LYST: variants seen among roughly 807,000 people sequenced by gnomAD.
LYST encodes the protein lysosomal-trafficking regulator.
LYST carries 192 observed loss-of-function variants against 413.6 expected under a neutral mutation model. The ratio of observed to expected loss-of-function variants is 0.46; its 90% CI spans 0.41 to 0.52. LYST has a LOEUF of 0.52. Among genes scored for constraint, LYST ranks in the 20% least tolerant of loss-of-function variants. The pLI is 0.00. For missense variants in LYST, 3,815 were observed against 4,499.9 expected (o/e 0.85, Z 4.35); for synonymous variants, 1,525 against 1,567.3 (o/e 0.97, Z 0.64).
rs1664569089 is a variant in LYST at position 235,733,657 on chromosome 1, T to C, written c.8647A>G (p.Ile2883Val). The change falls in exon 34 of 53, where the codon ATA (isoleucine) becomes GTA (valine). Residue 2883 changes from isoleucine (I) to valine (V), a missense_variant. Ile to Val is a conservative substitution (Grantham distance 29, BLOSUM62 3). Transcript: ENST00000389793. ...GTGATATCTGCAGCTATTTTAGATA[T>C]ATCCTTTGATTTTGAATCCAGACGC... ...FQRLDSKSKDISKIAADITQA... is the reference protein window; with the variant it reads ...FQRLDSKSKDVSKIAADITQA... 10 of 1,613,800 alleles carry C rather than the reference T, an allele frequency of 6.2e-6. No individual in the cohort carries two copies. The highest frequency in any genetic ancestry group is 8.5e-6 in the Non-Finnish European group (10 of 1,179,782).
intron 3 of LYST, 99 bp from the exon 4 acceptor site, chr1:235,813,160 G>T (rs576440416): frequency 1.4e-6 from 1 of 733,240 alleles, no homozygotes; most frequent in East Asian, 2.7e-5. Flanking sequence ...CCTTTTTCTT[G>T]AAAGTCTGCA....
Position 235,687,031 on chromosome 1 carries a change from C to G in LYST, c.10718G>C (p.Trp3573Ser). Residue 3573 changes from tryptophan (W) to serine (S), a missense_variant, in exon 48 of 53, where the codon TGG becomes TCG. Trp to Ser is a radical substitution (Grantham distance 177). Around this residue, in one of 4 missense-constraint regions of LYST, gnomAD observed 866 missense variants for 1,156.0 expected, o/e 0.75. Transcript: ENST00000389793. Reference sequence around the variant, plus strand: ...AAACAGCTGGCAACTGTCAGGCACCCAAGCACAACTAGTCACCTTTGAAAA... The same window carrying G: ...AAACAGCTGGCAACTGTCAGGCACCGAAGCACAACTAGTCACCTTTGAAAA... ...SQQYQVTSCA[W>S]VPDSCQLFTG... 1.2e-6 allele frequency: 2 copies of G among 1,613,090 alleles called. No individual in the cohort carries two copies. The highest frequency in any genetic ancestry group is 1.7e-6 in the Non-Finnish European group (2 of 1,179,148).
Position 235,810,534 on chromosome 1 carries a change from T to C in LYST, c.284A>G (p.Asp95Gly). Residue 95 changes from aspartate (D) to glycine (G), a missense_variant and splice_region_variant, in exon 5 of 53, where the codon GAT becomes GGT. By Grantham distance (94) the Asp-to-Gly change is moderately conservative. Around this residue, in one of 4 missense-constraint regions of LYST, gnomAD observed 1,648 missense variants for 1,810.3 expected, o/e 0.91. Coordinates refer to ENST00000389793, the MANE Select transcript of LYST (RefSeq NM_000081.4). The part of the protein sequence containing the change: ...KIPVQEEKAT[D>G]FNLPLSADII... ...ATCTGCTGAGAGCGGTAGGTTAAAA[T>C]CTAATGGAATGAAAAAAGAAGGCTT... 1 of 1,610,000 alleles carries C rather than the reference T, an allele frequency of 6.2e-7. No homozygotes were observed. Among genetic ancestry groups the C allele is most frequent in the South Asian group, 1.1e-5 (1 of 91,062 alleles).
rs537585597 is a variant in LYST at position 235,739,070 on chromosome 1, C to T, written c.8358+2352G>A. ...AGGTTGTGCATATTGTCCTTTTTAT[C>T]TGATCTGTGATTAAAGCAGTGATGT... On this transcript the variant is annotated intron_variant, in intron 31 of 52. Transcript: ENST00000389793. 4 of 588,524 alleles carry T rather than the reference C, an allele frequency of 6.8e-6. No homozygotes were observed. The East Asian group carries it at 1.7e-4, about 25-fold the overall frequency. 36.5% of individuals were successfully genotyped at this position (588,524 alleles called of 1,614,324 possible). A position where few individuals can be genotyped will look rare whatever the true frequency, so the allele number is the denominator to read the frequency against.
chr1:235,817,689 G>C (rs942083409), intron 3 of LYST, among the ~76,000 whole-genome samples: 4 of 152,060 alleles, frequency 2.6e-5, no homozygotes, highest in African/African-American at 9.7e-5. Context: ...ACAAAGAAGG[G>C]AACAGCCACT....
intron 16 of LYST, among the ~76,000 whole-genome samples, chr1:235,778,783 T>C (rs1311732763): frequency 2.0e-5 from 3 of 152,138 alleles, no homozygotes; most frequent in Non-Finnish European, 2.9e-5. Flanking sequence ...ATGATTATGC[T>C]GGAAAAGCAA....
chr1:235,818,200 T>C (rs1405487819), intron 3 of LYST, among the ~76,000 whole-genome samples: 1 of 152,102 alleles, frequency 6.6e-6, no homozygotes, highest in South Asian at 2.1e-4. Flanking sequence ...GAAACATACA[T>C]ACCAAGAGGG....
Position 235,808,915 on chromosome 1 carries a change from C to G in LYST, c.1903G>C (p.Ala635Pro). The G allele has an allele frequency of 1.2e-6, 2 of 1,612,404 alleles. No homozygotes were observed. Among genetic ancestry groups the G allele is most frequent in the Non-Finnish European group, 1.7e-6 (2 of 1,179,044 alleles). ...GAEISPKIKKAACNICTVDSD... is the reference protein window; with the variant it reads ...GAEISPKIKKPACNICTVDSD... ...TCAACAGTACAAATATTACAAGCTGCTTTTTTAATTTTTGGTGATATCTCT... is the reference window on the plus strand; with the variant it reads ...TCAACAGTACAAATATTACAAGCTGGTTTTTTAATTTTTGGTGATATCTCT... The change falls in exon 5 of 53, where the codon GCA (alanine) becomes CCA (proline). Residue 635 changes from alanine to proline, a missense_variant. Around this residue, in one of 4 missense-constraint regions of LYST, gnomAD observed 1,648 missense variants for 1,810.3 expected, o/e 0.91. Transcript: ENST00000389793.
At chr1:235,727,124 CTTT>C (rs763736405) in intron 38 of LYST, among the ~76,000 whole-genome samples, 8 of 135,098 alleles carry the variant, frequency 5.9e-5, no homozygotes, top group Admixed American at 1.5e-4. Context: ...TTCTTTCTTT[CTTT>C]TTTTTTTTTT....
rs763837950 is a variant in LYST, at chr1:235,806,299, A to T, written c.2837T>A (p.Leu946His). The T allele has an allele frequency of 6.2e-7, 1 of 1,613,962 alleles. No homozygotes were observed. Among genetic ancestry groups the T allele is most frequent in the Non-Finnish European group, 8.5e-7 (1 of 1,179,958 alleles). Reference protein sequence around the residue: ...PLSHMLPCISLESLVLPSPEH... With the variant: ...PLSHMLPCISHESLVLPSPEH... ...AGGAGAAGGCAAGACAAGGCTCTCG[A>T]GAGATATACATGGCAGCATATGACT... The change falls in exon 6 of 53, where the codon CTC becomes CAC. Residue 946 changes from leucine (L) to histidine (H), a missense_variant. Physicochemically the swap from Leu to His is moderately conservative, Grantham distance 99. Transcript: ENST00000389793.
chr1:235,763,284 G>C (rs1396932595), intron 21 of LYST, among the ~76,000 whole-genome samples: 1 of 152,064 alleles, frequency 6.6e-6, no homozygotes, highest in Non-Finnish European at 1.5e-5. Flanking sequence ...TCAACTGCTT[G>C]GTTTCTTAAA....
At chr1:235,780,001 T>C (rs572846725) in intron 16 of LYST, among the ~76,000 whole-genome samples, 30 of 152,266 alleles carry the variant, frequency 2.0e-4, no homozygotes, top group Middle Eastern at 6.8e-3. Context: ...TCCTACATTA[T>C]ATACTGGTAG....
chr1:235,843,110 A>G (rs777418311), intron 1 of LYST, among the ~76,000 whole-genome samples: 3 of 152,194 alleles, frequency 2.0e-5, no homozygotes, highest in Non-Finnish European at 4.4e-5. Flanking sequence ...AAGCTCAACA[A>G]CAGGGCAAGA....
intron 6 of LYST, 43 bp from the exon 7 acceptor site, chr1:235,804,708 T>A (rs759431787): frequency 8.1e-6 from 9 of 1,109,798 alleles, no homozygotes; most frequent in Non-Finnish European, 1.2e-5. Context: ...ATAACCATTT[T>A]AAAAAACTAA....
At chr1:235,835,851 C>T (rs115822308) in intron 1 of LYST, among the ~76,000 whole-genome samples, 10 of 152,286 alleles carry the variant, frequency 6.6e-5, no homozygotes, top group African/African-American at 2.2e-4. Flanking sequence ...TTACTTAAGG[C>T]CAGGGACCCT....
At chr1:235,804,364 G>T in intron 7 of LYST, 140 bp downstream of exon 7, 1 of 735,916 alleles carries the variant, frequency 1.4e-6, no homozygotes, top group East Asian at 2.5e-5. Context: ...CCATCACGAG[G>T]AGATAAGATC....
chr1:235,665,678 ACCTG>A (rs1658387603), intron 50 of LYST, among the ~76,000 whole-genome samples: 1 of 151,896 alleles, frequency 6.6e-6, no homozygotes. Flanking sequence ...AGTAAAAATT[ACCTG>A]AGTTAAAACT....
At chr1:235,697,964 G>A (rs1431649463) in intron 45 of LYST, among the ~76,000 whole-genome samples, 1 of 152,176 alleles carries the variant, frequency 6.6e-6, no homozygotes, top group Admixed American at 6.5e-5. Flanking sequence ...CCATTTGGCT[G>A]CCCACGAACG....
intron 1 of LYST, among the ~76,000 whole-genome samples, chr1:235,879,065 G>A (rs1236774639): frequency 6.6e-6 from 1 of 152,090 alleles, no homozygotes; most frequent in African/African-American, 2.4e-5. Context: ...GGAGTTCTGT[G>A]TGCAATCATA....
Sources: gnomAD v4.1 joint callset for allele counts (sites outside exome capture counted in the v4.1 genomes callset) on GRCh38, gnomAD v4.1.1 for gene constraint, gnomAD v4.1.1 regional missense constraint, MANE v1.5 for transcripts, NCBI Gene and HGNC (gene_info 2026-07-23, HGNC 2026-07-21) for gene names.